Variants in TMEM132D observed in about 807,000 individuals in gnomAD.
The protein encoded by TMEM132D is mature OL transmembrane protein.
A neutral mutation model predicts 62.3 loss-of-function variants in TMEM132D; 21 were observed. The observed-to-expected ratio is 0.34, with a 90% CI of 0.24 to 0.49. TMEM132D has a LOEUF of 0.49. TMEM132D is among the 20% of genes least tolerant of loss of function. TMEM132D has a pLI of 0.99. For synonymous variants in TMEM132D, 621 were observed against 575.6 expected (o/e 1.08, Z -1.13); for missense variants, 1,346 against 1,402.8 (o/e 0.96, Z 0.65).
chr12:129,384,579 C>T (rs1019526767), intron 3 of TMEM132D, among the ~76,000 whole-genome samples: 2 of 151,828 alleles, frequency 1.3e-5, no homozygotes, highest in African/African-American at 4.8e-5. Flanking sequence ...ACCACGTTCG[C>T]ATTATTTTAG....
chr12:129,298,692 T>G (rs982533940), intron 4 of TMEM132D, among the ~76,000 whole-genome samples: 7 of 152,210 alleles, frequency 4.6e-5, no homozygotes. Flanking sequence ...ACTCTTTTTA[T>G]CTTAATTTTA....
At chr12:129,482,526 C>G (rs1874458753) in intron 3 of TMEM132D, among the ~76,000 whole-genome samples, 1 of 152,278 alleles carries the variant, frequency 6.6e-6, no homozygotes, top group East Asian at 1.9e-4. Context: ...AGGTTGTTGA[C>G]ACCATATTAG....
At chr12:129,289,533 A>G (rs1281176305) in intron 4 of TMEM132D, among the ~76,000 whole-genome samples, 2 of 148,968 alleles carry the variant, frequency 1.3e-5, no homozygotes, top group African/African-American at 5.0e-5. Flanking sequence ...GACAAGAGTG[A>G]AATTCCATCT....
At chr12:129,654,155 C>G (rs546417293) in intron 2 of TMEM132D, among the ~76,000 whole-genome samples, 50 of 152,204 alleles carry the variant, frequency 3.3e-4, no homozygotes, top group Admixed American at 6.5e-4. Flanking sequence ...ATTTTCCTCA[C>G]ATTCTATCAA....
intron 1 of TMEM132D, among the ~76,000 whole-genome samples, chr12:129,720,139 A>T (rs1868765969): frequency 6.6e-6 from 1 of 152,162 alleles, no homozygotes; most frequent in South Asian, 2.1e-4. Context: ...AAAACCTTGC[A>T]CGCAGGAATG....
intron 5 of TMEM132D, among the ~76,000 whole-genome samples, chr12:129,124,460 C>G (rs1222576101): frequency 6.6e-6 from 1 of 152,216 alleles, no homozygotes; most frequent in Non-Finnish European, 1.5e-5. Context: ...TAAAATCTCT[C>G]TAGTTGCTTA....
intron 4 of TMEM132D, among the ~76,000 whole-genome samples, chr12:129,266,626 C>T (rs1880703420): frequency 6.7e-6 from 1 of 148,728 alleles, no homozygotes; most frequent in Non-Finnish European, 1.5e-5. Flanking sequence ...CTCCTCTCCT[C>T]TCTCTGTGCC....
intron 1 of TMEM132D, among the ~76,000 whole-genome samples, chr12:129,778,025 G>A (rs1397745636): frequency 6.7e-6 from 1 of 149,000 alleles, no homozygotes; most frequent in Non-Finnish European, 1.5e-5. Flanking sequence ...TAAGGCAGGA[G>A]GATCACTTGA....
At position 129,700,621 on chromosome 12, in the gene TMEM132D, T is replaced by C. The variant is rs1483250888; in HGVS notation, c.157A>G (p.Ile53Val). ...LPTYLPVTYH[I>V]NNADVSFFLK... Reference sequence around the variant, plus strand: ...AAGAAGGAGACGTCCGCGTTGTTGATGTGGTAGGTCACGGGGAGGTAGGTG... The same window carrying C: ...AAGAAGGAGACGTCCGCGTTGTTGACGTGGTAGGTCACGGGGAGGTAGGTG... Residue 53 changes from isoleucine (I) to valine (V), a missense_variant, in exon 2 of 9, where the codon ATC (isoleucine) becomes GTC (valine). Transcript: ENST00000422113. The C allele has an allele frequency of 5.0e-6, 8 of 1,613,916 alleles. No individual in the cohort carries two copies. The highest frequency in any genetic ancestry group is 6.8e-6 in the Non-Finnish European group (8 of 1,180,024).
chr12:129,703,560 A>T (rs1881433373), intron 1 of TMEM132D, among the ~76,000 whole-genome samples: 1 of 151,882 alleles, frequency 6.6e-6, no homozygotes, highest in Non-Finnish European at 1.5e-5. Context: ...TCTCATCCTT[A>T]CAGGAATGGT....
intron 3 of TMEM132D, among the ~76,000 whole-genome samples, chr12:129,464,759 T>C (rs991681584): frequency 2.0e-5 from 3 of 152,328 alleles, no homozygotes; most frequent in East Asian, 3.9e-4. Flanking sequence ...TTTTCTCGGG[T>C]TTGTCAAAGA....
intron 3 of TMEM132D, among the ~76,000 whole-genome samples, chr12:129,484,821 C>A (rs1378877540): frequency 6.6e-6 from 1 of 152,190 alleles, no homozygotes; most frequent in African/African-American, 2.4e-5. Context: ...TCAGAAAGAA[C>A]AAAAGATAAG....
chr12:129,792,373 T>C (rs1298700185), intron 1 of TMEM132D, among the ~76,000 whole-genome samples: 1 of 152,194 alleles, frequency 6.6e-6, no homozygotes, highest in Non-Finnish European at 1.5e-5. Context: ...ACGGGATCAA[T>C]GTGTATGTAC....
At chr12:129,468,197 G>GTGTGTT (rs960695097) in intron 3 of TMEM132D, among the ~76,000 whole-genome samples, 2 of 151,940 alleles carry the variant, frequency 1.3e-5, no homozygotes, top group African/African-American at 2.4e-5. Flanking sequence ...GTGTGTGTGT[G>GTGTGTT]TGTGTGTTTT....
intron 2 of TMEM132D, among the ~76,000 whole-genome samples, chr12:129,692,584 C>T (rs1005568151): frequency 1.3e-5 from 2 of 152,170 alleles, no homozygotes; most frequent in Non-Finnish European, 2.9e-5. Flanking sequence ...ATAGCAAAGA[C>T]ATGGAATAGA....
At chr12:129,334,763 T>C (rs1460332491) in intron 4 of TMEM132D, among the ~76,000 whole-genome samples, 1 of 152,166 alleles carries the variant, frequency 6.6e-6, no homozygotes, top group Non-Finnish European at 1.5e-5. Context: ...CTAATTTTTG[T>C]AGTTTTAGTA....
At chr12:129,287,242 T>C (rs1005908578) in intron 4 of TMEM132D, among the ~76,000 whole-genome samples, 4 of 152,102 alleles carry the variant, frequency 2.6e-5, no homozygotes, top group Admixed American at 2.0e-4. Flanking sequence ...AGGAAGAAAA[T>C]AAATACTGAT....
At chr12:129,240,250 G>A (rs1464741078) in intron 4 of TMEM132D, among the ~76,000 whole-genome samples, 2 of 152,124 alleles carry the variant, frequency 1.3e-5, no homozygotes, top group Non-Finnish European at 2.9e-5. Flanking sequence ...TGTATAAAAT[G>A]ACCCTCTGCC....
intron 3 of TMEM132D, among the ~76,000 whole-genome samples, chr12:129,457,646 G>A (rs1191236897): frequency 6.6e-6 from 1 of 152,122 alleles, no homozygotes; most frequent in Non-Finnish European, 1.5e-5. Flanking sequence ...GGCCATATGT[G>A]AAGCATGGCT....
Sources: gnomAD v4.1 joint callset for allele counts (sites outside exome capture counted in the v4.1 genomes callset) on GRCh38, gnomAD v4.1.1 for gene constraint, MANE v1.5 for transcripts, NCBI Gene and HGNC (gene_info 2026-07-23, HGNC 2026-07-21) for gene names.